Variants in TMC1 observed in about 807,000 individuals in gnomAD.
The protein encoded by TMC1 is transmembrane channel like 1.
Under a neutral mutation model 105.8 loss-of-function variants are expected in TMC1, and 84 were observed. That is an observed-to-expected ratio of 0.79 (90% CI 0.67 to 0.95). The LOEUF (loss-of-function observed/expected upper bound fraction) is 0.95, where lower values mean the gene tolerates loss of function less well. Ranked by LOEUF, TMC1 falls within the 40% of genes least tolerant of loss-of-function variation. The pLI, the probability that TMC1 is intolerant of heterozygous loss-of-function variation, is 0.00. For synonymous variants in TMC1, 315 were observed against 311.5 expected (o/e 1.01, Z -0.12); for missense variants, 817 against 914.1 (o/e 0.89, Z 1.37).
At chr9:72,820,794 T>C (rs772526331) in intron 19 of TMC1, 48 bp from the exon 20 acceptor site, 1 of 1,611,940 alleles carries the variant, frequency 6.2e-7, no homozygotes, top group Non-Finnish European at 8.5e-7. Flanking sequence ...TGTGACTTTG[T>C]TATGGAGTAA....
chr9:72,542,468 C>A (rs1014613610), intron 1 of TMC1, among the ~76,000 whole-genome samples: 26 of 151,698 alleles, frequency 1.7e-4, no homozygotes, highest in African/African-American at 6.0e-4. Context: ...TCAAAATAAA[C>A]AATTAACTGG....
At chr9:72,554,271 T>G (rs1036705624) in intron 1 of TMC1, among the ~76,000 whole-genome samples, 3 of 152,080 alleles carry the variant, frequency 2.0e-5, no homozygotes, top group African/African-American at 7.2e-5. Context: ...AGTTAAACAT[T>G]TTTTCCTTAA....
intron 8 of TMC1, among the ~76,000 whole-genome samples, chr9:72,712,037 A>G (rs1477032715): frequency 1.3e-5 from 2 of 152,140 alleles, no homozygotes; most frequent in Admixed American, 6.5e-5. Context: ...TCCTTTCCCC[A>G]TTGTTTGTTT....
chr9:72,755,045 A>C lies in TMC1; in HGVS notation c.741+161A>C, dbSNP rs944783357. On this transcript the variant is annotated intron_variant, in intron 12 of 23. Transcript: ENST00000297784. ...AAAGGAAAGAAAGAAAGAAAGAGAG[A>C]GAGAGAGAGGGAGGGAGGGAGGGAG... Among the ~76,000 whole-genome samples the C allele has an allele frequency of 9.7e-5, 13 of 134,626 alleles. No individual in the cohort carries two copies. The East Asian group carries it at 1.3e-3, about 14-fold the overall frequency. 88.3% of individuals were successfully genotyped at this position (134,626 alleles called of 152,430 possible).
At chr9:72,568,200 A>G (rs904852765) in intron 1 of TMC1, among the ~76,000 whole-genome samples, 4 of 151,298 alleles carry the variant, frequency 2.6e-5, no homozygotes, top group Non-Finnish European at 5.9e-5. Context: ...CCACTTCTCA[A>G]CCCCCCAAAC....
intron 5 of TMC1, among the ~76,000 whole-genome samples, chr9:72,687,745 C>T (rs1199813670): frequency 6.6e-6 from 1 of 152,072 alleles, no homozygotes; most frequent in African/African-American, 2.4e-5. Context: ...TGAACAGAAA[C>T]AAAACCAGAG....
At chr9:72,722,402 C>T (rs950108314) in intron 8 of TMC1, among the ~76,000 whole-genome samples, 1 of 152,142 alleles carries the variant, frequency 6.6e-6, no homozygotes, top group African/African-American at 2.4e-5. Flanking sequence ...TTTTTGGCAT[C>T]CTATGCTTCT....
intron 21 of TMC1, among the ~76,000 whole-genome samples, chr9:72,830,187 T>C (rs560721071): frequency 4.6e-4 from 70 of 152,304 alleles, no homozygotes; most frequent in African/African-American, 1.7e-3. Flanking sequence ...CAGTGTGAAA[T>C]AGCAGACAGA....
intron 17 of TMC1, among the ~76,000 whole-genome samples, chr9:72,793,026 G>T (rs904752688): frequency 5.5e-4 from 83 of 152,196 alleles, no homozygotes; most frequent in African/African-American, 2.0e-3. Context: ...TTCTCCCGTG[G>T]ATCTTTGGAA....
At chr9:72,684,976 C>T (rs536731005) in intron 5 of TMC1, among the ~76,000 whole-genome samples, 4 of 151,988 alleles carry the variant, frequency 2.6e-5, no homozygotes, top group Non-Finnish European at 4.4e-5. Context: ...TGACATTCTT[C>T]GTACACAAAA....
At chr9:72,640,663 C>T (rs908844354) in intron 4 of TMC1, among the ~76,000 whole-genome samples, 1 of 151,308 alleles carries the variant, frequency 6.6e-6, no homozygotes, top group Non-Finnish European at 1.5e-5. Context: ...GACGGAGTGC[C>T]GCTCTGTCGC....
intron 10 of TMC1, 46 bp downstream of exon 10, chr9:72,742,571 G>A (rs745990436): frequency 2.7e-6 from 4 of 1,489,740 alleles, no homozygotes; most frequent in Non-Finnish European, 1.9e-6. Flanking sequence ...TCTTAGAGAA[G>A]TATCTCATAA....
At chr9:72,537,208 G>C (rs776013656) in intron 1 of TMC1, among the ~76,000 whole-genome samples, 1 of 152,136 alleles carries the variant, frequency 6.6e-6, no homozygotes, top group Non-Finnish European at 1.5e-5. Flanking sequence ...AAATTATTTT[G>C]TCCTCCTAGG....
At chr9:72,543,085 T>TA (rs1200215162) in intron 1 of TMC1, among the ~76,000 whole-genome samples, 3 of 152,234 alleles carry the variant, frequency 2.0e-5, no homozygotes, top group Non-Finnish European at 4.4e-5. Context: ...TGTTACATTT[T>TA]ATCTTTATGT....
chr9:72,793,913 A>T (rs1332647976), intron 17 of TMC1, among the ~76,000 whole-genome samples: 1 of 152,138 alleles, frequency 6.6e-6, no homozygotes. Context: ...CAGGATCCCC[A>T]GGGGCAACTG....
chr9:72,762,172 C>T (rs118173149), intron 12 of TMC1, among the ~76,000 whole-genome samples: 2,014 of 152,206 alleles, frequency 0.013, 17 homozygotes, highest in Non-Finnish European at 0.022. Flanking sequence ...GCCAGGCTAA[C>T]GGTGAGTCTC....
intron 2 of TMC1, among the ~76,000 whole-genome samples, chr9:72,593,983 A>G (rs1587978335): frequency 6.6e-6 from 1 of 152,224 alleles, no homozygotes; most frequent in East Asian, 1.9e-4. Flanking sequence ...TATGACGGGG[A>G]GAGGTATGAG....
At position 72,648,627 on chromosome 9, in the gene TMC1, C is replaced by T. The variant is rs763169284; in HGVS notation, c.-22C>T. On this transcript the variant is annotated 5_prime_UTR_variant, in exon 5 of 24. Transcript: ENST00000297784. ...CTCCAAACTAGCCAGCCACTGAGAC[C>T]TTCTGACAGGACACCCCCAGGATGT... The T allele has an allele frequency of 6.2e-6, 10 of 1,612,456 alleles. No individual in the cohort carries two copies. Among genetic ancestry groups the T allele is most frequent in the Non-Finnish European group, 7.6e-6 (9 of 1,178,592 alleles).
At chr9:72,713,102 C>G (rs531762748) in intron 8 of TMC1, among the ~76,000 whole-genome samples, 3 of 152,306 alleles carry the variant, frequency 2.0e-5, no homozygotes, top group East Asian at 3.9e-4. Flanking sequence ...GTTGAACCAG[C>G]CTTGCATCCC....
Sources: allele counts gnomAD v4.1 joint callset (sites outside exome capture counted in the v4.1 genomes callset), GRCh38; gene constraint gnomAD v4.1.1; transcripts MANE v1.5; gene names NCBI Gene and HGNC (gene_info 2026-07-23, HGNC 2026-07-21).